The following LRRC7 variants were observed in gnomAD, a reference collection of about 807,000 sequenced individuals.
LRRC7 encodes leucine-rich repeat-containing protein 7.
A neutral mutation model predicts 175.7 loss-of-function variants in LRRC7; 23 were observed. The ratio of observed to expected loss-of-function variants is 0.13; its 90% CI spans 0.09 to 0.19. The LOEUF (loss-of-function observed/expected upper bound fraction) is 0.19, where lower values mean the gene tolerates loss of function less well. Ranked by LOEUF, LRRC7 falls within the 10% of genes least tolerant of loss-of-function variation. The pLI, the probability that LRRC7 is intolerant of heterozygous loss-of-function variation, is 1.00. For synonymous variants in LRRC7, 685 were observed against 680.9 expected, an observed-to-expected ratio of 1.01 and a Z score of -0.09; for missense variants, 1,354 against 1,904.7, an observed-to-expected ratio of 0.71 and a Z score of 5.38.
chr1:70,039,676 T>C lies in LRRC7; in HGVS notation c.3852T>C (p.Asp1284=). Residue 1284 remains aspartate (D), a synonymous_variant, in exon 21 of 27, where the codon GAT becomes GAC. Coordinates refer to ENST00000651989, the MANE Select transcript of LRRC7 (RefSeq NM_001370785.2). The stretch of plus-strand genomic sequence containing the variant: ...GTAACTATGGTGACAAGCCATCAGA[T>C]AACAGTGATTTAAAGACGAGGCCTA... The part of the protein sequence containing the change: ...NLGNYGDKPS[D]NSDLKTRPTP... 3.7e-6 allele frequency: 6 copies of C among 1,614,082 alleles called. No homozygotes were observed. Among genetic ancestry groups the C allele is most frequent in the Non-Finnish European group, 5.1e-6 (6 of 1,180,000 alleles).
chr1:69,578,825 G>C (rs1178623239), intron 1 of LRRC7, among the ~76,000 whole-genome samples: 2 of 146,560 alleles, frequency 1.4e-5, no homozygotes, highest in African/African-American at 5.0e-5. Flanking sequence ...ATAGCATTAG[G>C]AGATATACCT....
chr1:69,888,219 C>A (rs1279266512), intron 7 of LRRC7, among the ~76,000 whole-genome samples: 1 of 152,100 alleles, frequency 6.6e-6, no homozygotes, highest in Non-Finnish European at 1.5e-5. Context: ...CCCCCAGCCT[C>A]ACTGCCTCCT....
rs186329040 is a variant in LRRC7, at chr1:70,076,892, T to C, written c.4452+594T>C. On this transcript the variant is annotated intron_variant, in intron 24 of 26. Transcript: ENST00000651989. ...AAACCTATCTAAAATTAGGATTTGC[T>C]TTTCCATTGTAGTATCTGTTTTAGT... 4.9e-3 allele frequency among the ~76,000 whole-genome samples: 753 copies of C among 152,292 alleles called. 3 individuals carry two copies. The highest frequency in any genetic ancestry group is 6.8e-3 in the Middle Eastern group (2 of 294).
Position 70,021,096 on chromosome 1 carries a change from A to G in LRRC7, c.1512A>G (p.Lys504=). The G allele has an allele frequency of 6.2e-7, 1 of 1,612,588 alleles. No individual in the cohort carries two copies. Among genetic ancestry groups the G allele is most frequent in the Non-Finnish European group, 8.5e-7 (1 of 1,178,896 alleles). The change falls in exon 16 of 27, where the codon AAA becomes AAG. Residue 504 remains lysine (K), a synonymous_variant. Transcript: ENST00000651989. ...RMTVAFEFED[K]KEDDENAGKV... ...CTGTTGCCTTTGAATTTGAAGACAA[A>G]AAAGAAGATGACGAAAATGCTGGGA... is the stretch of plus-strand genomic sequence containing the variant.
intron 1 of LRRC7, among the ~76,000 whole-genome samples, chr1:69,597,238 G>A (rs2100980494): frequency 6.6e-6 from 1 of 152,246 alleles, no homozygotes; most frequent in East Asian, 1.9e-4. Flanking sequence ...CTAGGAGAAG[G>A]AGTAAAAGAC....
chr1:70,022,601 T>G (rs1657630039), intron 16 of LRRC7, among the ~76,000 whole-genome samples: 2 of 152,200 alleles, frequency 1.3e-5, no homozygotes, highest in African/African-American at 4.8e-5. Context: ...TATTTATGTA[T>G]TAATGAAACA....
chr1:69,801,431 G>T (rs1354533775), intron 4 of LRRC7, among the ~76,000 whole-genome samples: 2 of 151,462 alleles, frequency 1.3e-5, no homozygotes, highest in Admixed American at 6.6e-5. Context: ...ATGTATTCCT[G>T]GTTCAATATT....
chr1:69,879,212 TAAAA>T (rs201332183), intron 7 of LRRC7, among the ~76,000 whole-genome samples: 5 of 91,974 alleles, frequency 5.4e-5, no homozygotes, highest in African/African-American at 2.6e-4. Context: ...AAAACTGCTT[TAAAA>T]AAAAAAAAAA....
intron 7 of LRRC7, among the ~76,000 whole-genome samples, chr1:69,842,709 A>C (rs1227814442): frequency 1.3e-5 from 2 of 152,140 alleles, no homozygotes; most frequent in African/African-American, 2.4e-5. Context: ...ATAAATCTGA[A>C]GTAATGACAG....
intron 1 of LRRC7, among the ~76,000 whole-genome samples, chr1:69,644,926 CT>C (rs1654786860): frequency 6.6e-6 from 1 of 151,862 alleles, no homozygotes; most frequent in South Asian, 2.1e-4. Context: ...ATTAAATAAC[CT>C]TTAGTCATAA....
rs760590188 is a variant in LRRC7 at position 69,833,628 on chromosome 1, A to C, written c.501-1152A>C. On this transcript the variant is annotated intron_variant, in intron 5 of 26. Transcript: ENST00000651989. Reference sequence around the variant, plus strand: ...ATAAACCATGGAATAAAACGCAGATATAATGTCCCAGGAGAAGGAAGAGAA... The same window carrying C: ...ATAAACCATGGAATAAAACGCAGATCTAATGTCCCAGGAGAAGGAAGAGAA... Among the ~76,000 whole-genome samples, 192 of 152,228 alleles carry C rather than the reference A, an allele frequency of 1.3e-3. 1 individual carries two copies. The highest frequency in any genetic ancestry group is 2.4e-3 in the Non-Finnish European group (163 of 68,012).
chr1:69,828,139 T>C (rs1440705690), intron 5 of LRRC7, among the ~76,000 whole-genome samples: 2 of 152,178 alleles, frequency 1.3e-5, no homozygotes, highest in Non-Finnish European at 2.9e-5. Flanking sequence ...TAGTATTCCA[T>C]TGTATGGCTA....
intron 8 of LRRC7, among the ~76,000 whole-genome samples, chr1:69,934,516 G>GT (rs1647776967): frequency 9.2e-6 from 1 of 109,108 alleles, no homozygotes; most frequent in Non-Finnish European, 2.0e-5. Context: ...GGGGGGTGGG[G>GT]GGTTTTGTTG....
chr1:69,599,141 A>T (rs908848834), intron 1 of LRRC7, among the ~76,000 whole-genome samples: 38 of 101,744 alleles, frequency 3.7e-4, no homozygotes, highest in African/African-American at 1.2e-3. Flanking sequence ...GTTTTACAAT[A>T]AAAAAAAAAG....
chr1:69,747,650 A>G lies in LRRC7; in HGVS notation c.101-12541A>G, dbSNP rs572306213. ...CATTTTCTAAATAATTTAATTCAGT[A>G]ACAATTACATTTCATTTCAGGAAGA... On this transcript the variant is annotated intron_variant, in intron 2 of 26. Transcript: ENST00000651989. Among the ~76,000 whole-genome samples, 5 of 152,276 alleles carry G rather than the reference A, an allele frequency of 3.3e-5. No individual in the cohort carries two copies. In the South Asian group the frequency reaches 1.0e-3, roughly 32 times the overall value.
At chr1:69,852,529 A>C (rs893646808) in intron 7 of LRRC7, among the ~76,000 whole-genome samples, 6 of 152,166 alleles carry the variant, frequency 3.9e-5, no homozygotes, top group Non-Finnish European at 7.3e-5. Context: ...TTTCACTTGC[A>C]TACCTATAGC....
Position 69,948,568 on chromosome 1 carries a change from T to C in LRRC7, c.711+16998T>C, listed in dbSNP as rs570740352. Among the ~76,000 whole-genome samples, 6 of 152,264 alleles carry C rather than the reference T, an allele frequency of 3.9e-5. No individual in the cohort carries two copies. In the South Asian group the frequency reaches 1.2e-3, roughly 32 times the overall value. The stretch of plus-strand genomic sequence containing the variant: ...CAGATTTACAAACAAGCACATATCA[T>C]TTGGGTCCTTCAAGAAATGTGGGTG... On this transcript the variant is annotated intron_variant, in intron 8 of 26. Transcript: ENST00000651989.
At chr1:69,880,801 G>A (rs1472681989) in intron 7 of LRRC7, among the ~76,000 whole-genome samples, 2 of 152,034 alleles carry the variant, frequency 1.3e-5, no homozygotes, top group African/African-American at 2.4e-5. Context: ...CTGCTTCTAG[G>A]TTGTTCCTTA....
Position 69,838,222 on chromosome 1 carries a change from T to G in LRRC7, c.591-5T>G. 1 of 1,606,972 alleles carries G rather than the reference T, an allele frequency of 6.2e-7. No individual in the cohort carries two copies. The highest frequency in any genetic ancestry group is 2.2e-5 in the East Asian group (1 of 44,554). On this transcript the variant is annotated splice_region_variant and splice_polypyrimidine_tract_variant and intron_variant, in intron 6 of 26. Transcript: ENST00000651989. ...AGAGGAAATTTTTAAAATTCATTTC[T>G]GTAGACTTGTCAAATTGCGGATCTT...
Sources: gnomAD v4.1 joint callset for allele counts (sites outside exome capture counted in the v4.1 genomes callset) on GRCh38, gnomAD v4.1.1 for gene constraint, MANE v1.5 for transcripts, NCBI Gene and HGNC (gene_info 2026-07-23, HGNC 2026-07-21) for gene names.